The following MMS22L variants were observed in gnomAD, a reference collection of about 807,000 sequenced individuals.
MMS22L encodes MMS22 like, DNA repair protein, also known as protein MMS22-like.
MMS22L carries 74 observed loss-of-function variants against 159.1 expected under a neutral mutation model. That is an observed-to-expected ratio of 0.47 (90% CI 0.39 to 0.56). The LOEUF (loss-of-function observed/expected upper bound fraction) is 0.56, where lower values mean the gene tolerates loss of function less well. Among genes scored for constraint, MMS22L ranks in the 20% least tolerant of loss-of-function variants. MMS22L has a pLI of 0.00. For synonymous variants in MMS22L, 517 were observed against 506.9 expected (o/e 1.02, Z -0.27); for missense variants, 1,351 against 1,422.1 (o/e 0.95, Z 0.80).
intron 4 of MMS22L, 78 bp from the exon 5 acceptor site, chr6:97,273,140 C>T (rs1815920912): frequency 1.8e-6 from 2 of 1,107,710 alleles, no homozygotes; most frequent in Non-Finnish European, 2.6e-6. Flanking sequence ...GTAAGCCATA[C>T]CGGCAGCAAT....
At chr6:97,236,622 A>C (rs1562491259) in intron 11 of MMS22L, among the ~76,000 whole-genome samples, 1 of 152,108 alleles carries the variant, frequency 6.6e-6, no homozygotes, top group Non-Finnish European at 1.5e-5. Context: ...TTGATTGTTC[A>C]AAATTAAGAT....
Position 97,165,237 on chromosome 6 carries a change from T to C in MMS22L, c.3221+9A>G, listed in dbSNP as rs1353211563. On this transcript the variant is annotated intron_variant, in intron 21 of 24. Coordinates refer to ENST00000683635, the MANE Select transcript of MMS22L (RefSeq NM_001350599.2). ...GTACATACCACCTATATTTAATATT[T>C]AGATGTACCTTATGACTTGCACAAT... is the stretch of plus-strand genomic sequence containing the variant. 6.2e-7 allele frequency: 1 copy of C among 1,605,866 alleles called. No homozygotes were observed. The highest frequency in any genetic ancestry group is 8.5e-7 in the Non-Finnish European group (1 of 1,173,190).
chr6:97,199,592 TC>T (rs1806921113), intron 14 of MMS22L, among the ~76,000 whole-genome samples: 1 of 152,004 alleles, frequency 6.6e-6, no homozygotes, highest in African/African-American at 2.4e-5. Flanking sequence ...CCTCAACACT[TC>T]TCTCACACTC....
Position 97,257,256 on chromosome 6 carries a change from A to G in MMS22L, c.943-2523T>C, listed in dbSNP as rs185463332. On this transcript the variant is annotated intron_variant, in intron 9 of 24. Coordinates refer to ENST00000683635, the MANE Select transcript of MMS22L (RefSeq NM_001350599.2). ...TCTTTCATGTTTTCCATCTTTTGTT[A>G]TATTATGCATAACAGATCTTATTCA... 1.1e-3 allele frequency among the ~76,000 whole-genome samples: 162 copies of G among 152,246 alleles called. 2 individuals carry two copies. The highest frequency in any genetic ancestry group is 3.8e-3 in the African/African-American group (156 of 41,548).
intron 14 of MMS22L, among the ~76,000 whole-genome samples, chr6:97,198,369 AC>A (rs1806773595): frequency 6.6e-6 from 1 of 152,168 alleles, no homozygotes; most frequent in Admixed American, 6.6e-5. Flanking sequence ...TTACTTCCAG[AC>A]ATTGAATCAT....
rs551216441 is a variant in MMS22L at position 97,238,917 on chromosome 6, C to T, written c.1183-4937G>A. 5.8e-3 allele frequency among the ~76,000 whole-genome samples: 151 copies of T among 26,022 alleles called. 2 individuals are homozygous for T. The highest frequency in any genetic ancestry group is 0.013 in the Non-Finnish European group (121 of 9,590). 17.1% of individuals were successfully genotyped at this position (26,022 alleles called of 152,430 possible). A position where few individuals can be genotyped will look rare whatever the true frequency, so the allele number is the denominator to read the frequency against. On this transcript the variant is annotated intron_variant, in intron 11 of 24. Coordinates refer to ENST00000683635, the MANE Select transcript of MMS22L (RefSeq NM_001350599.2). ...GCTAGGCGAAACAGCGAGACTCCAT[C>T]TCAAAAAAAAAAAAAAGAAAAAAGA... is the stretch of plus-strand genomic sequence containing the variant.
chr6:97,209,703 GTAT>G (rs1426559214), intron 14 of MMS22L, among the ~76,000 whole-genome samples: 1 of 151,828 alleles, frequency 6.6e-6, no homozygotes, highest in Non-Finnish European at 1.5e-5. Flanking sequence ...AGCTATCTCA[GTAT>G]TTTTTGACTA....
rs1459128469 is a variant in MMS22L at position 97,263,374 on chromosome 6, A to T, written c.903T>A (p.Ile301=). 1 of 1,594,304 alleles carries T rather than the reference A, an allele frequency of 6.3e-7. No individual in the cohort carries two copies. Among genetic ancestry groups the T allele is most frequent in the South Asian group, 1.2e-5 (1 of 86,898 alleles). ...ATTTACTTCTGTGGTCTAGAAGATG[A>T]ATAAGTAGAACCCATAATTCTTTAA... ...LCIKELWVLL[I]HLLDHRSKWF... Residue 301 remains isoleucine, a synonymous_variant, in exon 9 of 25, where the codon ATT becomes ATA. Coordinates refer to ENST00000683635, the MANE Select transcript of MMS22L (RefSeq NM_001350599.2).
chr6:97,144,525 G>T lies in MMS22L; in HGVS notation c.*2281C>A, dbSNP rs1800803983. 6.6e-6 allele frequency: 1 copy of T among 152,194 alleles called. No homozygotes were observed. The highest frequency in any genetic ancestry group is 1.5e-5 in the Non-Finnish European group (1 of 68,078). The allele number at this position is 152,194 out of a possible 1,614,324, so 9.4% of individuals were successfully genotyped here. Reference sequence around the variant, plus strand: ...TGGGAAGATAAAAGAAAATACAATTGTCACAGAGAGGACAAAGAACATGAG... The same window carrying T: ...TGGGAAGATAAAAGAAAATACAATTTTCACAGAGAGGACAAAGAACATGAG... On this transcript the variant is annotated 3_prime_UTR_variant, in exon 25 of 25. Transcript: ENST00000683635.
chr6:97,221,234 T>G (rs1327604056), intron 14 of MMS22L, among the ~76,000 whole-genome samples: 8 of 152,134 alleles, frequency 5.3e-5, no homozygotes, highest in Non-Finnish European at 1.0e-4. Context: ...TTTTGGCACA[T>G]AAGTTTTTCC....
Position 97,146,806 on chromosome 6 carries a change from TTAAG to T in MMS22L, c.3728_3731del (p.Thr1243AsnfsTer15). ...TAGACAGGATGAATCACAAAATATA[TTAAG>T]TATTATCATTTTCCAGTCTCTGCAT... On this transcript the variant is annotated frameshift_variant and stop_lost, in exon 25 of 25. Transcript: ENST00000683635. LOFTEE classifies it high-confidence loss of function. 6.4e-7 allele frequency: 1 copy of T among 1,568,412 alleles called. No individual in the cohort carries two copies. Among genetic ancestry groups the T allele is most frequent in the South Asian group, 1.2e-5 (1 of 84,438 alleles).
chr6:97,168,414 G>A (rs1342467147), intron 19 of MMS22L, among the ~76,000 whole-genome samples, 174 bp from the exon 20 acceptor site: 1 of 152,096 alleles, frequency 6.6e-6, no homozygotes, highest in Non-Finnish European at 1.5e-5. Flanking sequence ...TTTCACTAAA[G>A]AGACAAATTT....
intron 15 of MMS22L, among the ~76,000 whole-genome samples, chr6:97,184,899 A>G (rs975050693): frequency 6.6e-6 from 1 of 152,222 alleles, no homozygotes; most frequent in Non-Finnish European, 1.5e-5. Flanking sequence ...CTTTATAACC[A>G]CTTACAAGGC....
chr6:97,229,784 G>A (rs1810659792), intron 13 of MMS22L, among the ~76,000 whole-genome samples: 1 of 152,080 alleles, frequency 6.6e-6, no homozygotes, highest in African/African-American at 2.4e-5. Flanking sequence ...CTTTTACAGA[G>A]ATCTTAACAG....
chr6:97,211,658 T>C (rs986198573), intron 14 of MMS22L, among the ~76,000 whole-genome samples: 3 of 152,144 alleles, frequency 2.0e-5, no homozygotes, highest in Non-Finnish European at 4.4e-5. Context: ...AAAATATTCT[T>C]CTGACATCTA....
chr6:97,271,934 A>C (rs1276802742), intron 6 of MMS22L: 1 of 152,160 alleles, frequency 6.6e-6, no homozygotes, highest in Non-Finnish European at 1.5e-5. Context: ...AGCCACCCAA[A>C]GTGTTGGGAT....
At position 97,142,193 on chromosome 6, in the gene MMS22L, AATTTT is replaced by A. The variant is rs1800672230; in HGVS notation, c.*4608_*4612del. ...CATATATACTTTTATTATTATATAT[AATTTT>A]ATCATATGCACAAATAACTCATAAA... On this transcript the variant is annotated 3_prime_UTR_variant, in exon 25 of 25. Coordinates refer to ENST00000683635, the MANE Select transcript of MMS22L (RefSeq NM_001350599.2). The A allele has an allele frequency of 6.6e-6, 1 of 151,862 alleles. No homozygotes were observed. The highest frequency in any genetic ancestry group is 1.9e-4 in the East Asian group (1 of 5,172). The allele number at this position is 151,862 out of a possible 1,614,324, so 9.4% of individuals were successfully genotyped here. A position where few individuals can be genotyped will look rare whatever the true frequency, so the allele number is the denominator to read the frequency against.
chr6:97,181,795 A>G, intron 16 of MMS22L, 109 bp downstream of exon 16: 1 of 1,083,256 alleles, frequency 9.2e-7, no homozygotes, highest in Non-Finnish European at 1.3e-6. Context: ...ACAAAGTGAG[A>G]GTATATGTAG....
intron 14 of MMS22L, among the ~76,000 whole-genome samples, chr6:97,200,376 G>T (rs1431629990): frequency 1.3e-5 from 2 of 152,024 alleles, no homozygotes; most frequent in African/African-American, 4.8e-5. Context: ...TTTCCTAAAA[G>T]ATTATCCATT....
Sources: allele counts gnomAD v4.1 joint callset (sites outside exome capture counted in the v4.1 genomes callset), GRCh38; gene constraint gnomAD v4.1.1; transcripts MANE v1.5; gene names NCBI Gene and HGNC (gene_info 2026-07-23, HGNC 2026-07-21).